The following HDAC9 variants were observed in gnomAD, a reference collection of about 807,000 sequenced individuals.
HDAC9 encodes MEF-2 interacting transcription repressor (MITR) protein.
In HDAC9, 41 loss-of-function variants were observed where a neutral mutation model predicts 139.4. The observed-to-expected ratio is 0.29, with a 90% confidence interval of 0.23 to 0.38. The LOEUF (loss-of-function observed/expected upper bound fraction) is 0.38, where lower values mean the gene tolerates loss of function less well. Among genes scored for constraint, HDAC9 ranks in the 10% least tolerant of loss-of-function variants. The pLI is 1.00. For missense variants in HDAC9, 1,147 were observed against 1,297.0 expected, an observed-to-expected ratio of 0.88 and a Z score of 1.78; for synonymous variants, 517 against 476.2, an observed-to-expected ratio of 1.09 and a Z score of -1.12.
chr7:18,602,262 A>G (rs187802885), intron 6 of HDAC9, among the ~76,000 whole-genome samples: 2 of 152,060 alleles, frequency 1.3e-5, no homozygotes, highest in Admixed American at 1.3e-4. Context: ...ATATTGCTTT[A>G]TTATCCTTCT....
chr7:18,854,215 T>G (rs979210400), intron 21 of HDAC9, among the ~76,000 whole-genome samples: 1 of 152,182 alleles, frequency 6.6e-6, no homozygotes, highest in African/African-American at 2.4e-5. Context: ...TTGGCAAGCA[T>G]GTCACTTGGC....
In HDAC9 at chr7:18,109,390, G is replaced by C. The variant is rs1007545291; in HGVS notation, c.-97+22177G>C. On this transcript the variant is annotated intron_variant, in intron 1 of 12. Transcript: ENST00000417496. ...AATTCTAACTTCATCTGTAGCTTTT[G>C]GTGTCAGTGTAGTTTCTGATGATAA... is the stretch of plus-strand genomic sequence containing the variant. Among the ~76,000 whole-genome samples, 13 of 152,148 alleles carry C rather than the reference G, an allele frequency of 8.5e-5. 1 individual carries two copies. The highest frequency in any genetic ancestry group is 1.9e-4 in the Non-Finnish European group (13 of 68,028).
At chr7:18,131,967 A>T (rs1292327574) in intron 1 of HDAC9, among the ~76,000 whole-genome samples, 1 of 152,222 alleles carries the variant, frequency 6.6e-6, no homozygotes, top group African/African-American at 2.4e-5. Context: ...GAGCTATTTT[A>T]GCTAATGGCA....
chr7:18,155,937 G>A lies in HDAC9; in HGVS notation c.-96-6292G>A, dbSNP rs180675406. Among the ~76,000 whole-genome samples, 4 of 152,294 alleles carry A rather than the reference G, an allele frequency of 2.6e-5. No homozygotes were observed. The East Asian group carries it at 7.7e-4, about 29-fold the overall frequency. On this transcript the variant is annotated intron_variant, in intron 1 of 12. Transcript: ENST00000417496. ...TTAAATCACCGACTGCATTGCTGAT[G>A]TGGCTCTTGCTTGTGCCCATCAGCT... is the stretch of plus-strand genomic sequence containing the variant.
intron 19 of HDAC9, among the ~76,000 whole-genome samples, chr7:18,832,622 T>C (rs1314858706): frequency 6.6e-6 from 1 of 152,216 alleles, no homozygotes; most frequent in Non-Finnish European, 1.5e-5. Context: ...TTTCTTATCT[T>C]AGTTTATTAT....
At chr7:18,361,465 C>T (rs1783771169) in intron 1 of HDAC9, among the ~76,000 whole-genome samples, 1 of 152,180 alleles carries the variant, frequency 6.6e-6, no homozygotes, top group Admixed American at 6.5e-5. Flanking sequence ...CCTTCTTTAC[C>T]ACTGCACCTC....
intron 15 of HDAC9, among the ~76,000 whole-genome samples, chr7:18,765,306 A>C (rs1416549788): frequency 6.6e-6 from 1 of 152,038 alleles, no homozygotes; most frequent in East Asian, 1.9e-4. Context: ...GGGGTTAATA[A>C]TTTTTTTCAA....
At chr7:18,857,359 GTGTGTA>G (rs974893552) in intron 21 of HDAC9, among the ~76,000 whole-genome samples, 29 of 151,680 alleles carry the variant, frequency 1.9e-4, no homozygotes, top group African/African-American at 6.3e-4. Flanking sequence ...GTGTGTGTGT[GTGTGTA>G]TGTATGTATG....
At chr7:18,519,332 T>C (rs564427885) in intron 2 of HDAC9, among the ~76,000 whole-genome samples, 26 of 152,330 alleles carry the variant, frequency 1.7e-4, no homozygotes, top group African/African-American at 4.8e-4. Flanking sequence ...TATTTTTTAT[T>C]ACATGACAGA....
At chr7:18,397,348 G>T (rs977022670) in intron 1 of HDAC9, among the ~76,000 whole-genome samples, 1 of 152,086 alleles carries the variant, frequency 6.6e-6, no homozygotes, top group Non-Finnish European at 1.5e-5. Context: ...GCACTGAGAG[G>T]CATCAAATGC....
At chr7:18,988,269 T>C (rs1202536026) in intron 25 of HDAC9, among the ~76,000 whole-genome samples, 1 of 152,316 alleles carries the variant, frequency 6.6e-6, no homozygotes, top group Non-Finnish European at 1.5e-5. Flanking sequence ...TGTGTCTTTG[T>C]TCTCGTTGGT....
intron 1 of HDAC9, among the ~76,000 whole-genome samples, chr7:18,405,341 C>A (rs1787909698): frequency 2.0e-5 from 3 of 151,966 alleles, no homozygotes; most frequent in Admixed American, 1.3e-4. Context: ...TATTTTTTGC[C>A]ATATTTAATT....
chr7:18,442,006 G>A (rs1339894362), intron 1 of HDAC9, among the ~76,000 whole-genome samples: 1 of 152,020 alleles, frequency 6.6e-6, no homozygotes, highest in African/African-American at 2.4e-5. Flanking sequence ...TCCTGACCTC[G>A]TGATCTGCCC....
At chr7:18,530,501 T>G (rs1808560107) in intron 2 of HDAC9, among the ~76,000 whole-genome samples, 1 of 151,666 alleles carries the variant, frequency 6.6e-6, no homozygotes, top group African/African-American at 2.4e-5. Flanking sequence ...TGATTTATAC[T>G]GGTTTTCCAT....
intron 1 of HDAC9, among the ~76,000 whole-genome samples, chr7:18,388,188 T>G (rs1786116801): frequency 1.3e-5 from 2 of 152,208 alleles, no homozygotes; most frequent in Admixed American, 1.3e-4. Context: ...TTTGTACGTG[T>G]GGCTAAGATA....
intron 2 of HDAC9, among the ~76,000 whole-genome samples, chr7:18,511,491 G>A (rs894981329): frequency 6.6e-6 from 1 of 152,070 alleles, no homozygotes; most frequent in Admixed American, 6.5e-5. Context: ...CAGCACTTTG[G>A]GAGGCTGCGG....
intron 1 of HDAC9, among the ~76,000 whole-genome samples, chr7:18,304,494 GGTAAA>G (rs1798782760): frequency 6.6e-6 from 1 of 152,104 alleles, no homozygotes; most frequent in South Asian, 2.1e-4. Flanking sequence ...CCCTGTTATA[GGTAAA>G]GTAATGTGGG....
chr7:18,929,729 A>G (rs1804561303), intron 22 of HDAC9, among the ~76,000 whole-genome samples: 1 of 152,134 alleles, frequency 6.6e-6, no homozygotes, highest in South Asian at 2.1e-4. Context: ...CGAGGTCAAG[A>G]GATCGAGACT....
intron 6 of HDAC9, among the ~76,000 whole-genome samples, chr7:18,626,024 C>T (rs1299011834): frequency 6.7e-6 from 1 of 148,430 alleles, no homozygotes; most frequent in Non-Finnish European, 1.5e-5. Context: ...CAGATCTTTG[C>T]AGCGTGGGTC....
Sources: gnomAD v4.1 joint callset for allele counts (sites outside exome capture counted in the v4.1 genomes callset) on GRCh38, gnomAD v4.1.1 for gene constraint, MANE v1.5 for transcripts, NCBI Gene and HGNC (gene_info 2026-07-23, HGNC 2026-07-21) for gene names.